RETREG3: variants seen among roughly 807,000 people sequenced by gnomAD.
RETREG3 encodes the protein reticulophagy regulator 3.
RETREG3 carries 23 observed loss-of-function variants against 50.2 expected under a neutral mutation model. That is an observed-to-expected ratio of 0.46 (90% CI 0.33 to 0.65). RETREG3 has a LOEUF of 0.65. Ranked by LOEUF, RETREG3 falls within the 30% of genes least tolerant of loss-of-function variation. The pLI is 0.02. For synonymous variants in RETREG3, 240 were observed against 234.4 expected, an observed-to-expected ratio of 1.02 and a Z score of -0.22; for missense variants, 546 against 598.0, an observed-to-expected ratio of 0.91 and a Z score of 0.91.
rs1385096437 is a variant in RETREG3, at chr17:42,585,211, C to T, written c.641G>A (p.Arg214Gln). The change falls in exon 6 of 9, where the codon CGA (arginine) becomes CAA (glutamine). Residue 214 changes from arginine to glutamine, a missense_variant. Transcript: ENST00000309428. Reference protein sequence around the residue: ...PLAVYHRLWDRAYVRLKPALQ... With the variant: ...PLAVYHRLWDQAYVRLKPALQ... ...AGCTGGCTTCAGCCGCACATATGCT[C>T]GATCCCACAGTCGGTGGTACACAGC... 6 of 1,614,006 alleles carry T rather than the reference C, an allele frequency of 3.7e-6. No individual in the cohort carries two copies. Among genetic ancestry groups the T allele is most frequent in the Non-Finnish European group, 5.1e-6 (6 of 1,180,026 alleles).
At chr17:42,596,553 T>C (rs1433529570) in intron 1 of RETREG3, 1 of 152,100 alleles carries the variant, frequency 6.6e-6, no homozygotes, top group Non-Finnish European at 1.5e-5. Flanking sequence ...TCTAAAGTAC[T>C]TCATCTTCAA....
In RETREG3 at chr17:42,609,147, G is replaced by C; in HGVS notation, c.178C>G (p.Leu60Val). The change falls in exon 1 of 9, where the codon CTG becomes GTG. Residue 60 changes from leucine to valine, a missense_variant. Physicochemically the swap from Leu to Val is conservative, Grantham distance 32. Transcript: ENST00000309428. ...EPLLSRVQAA[L>V]VWERPARSAL... The stretch of plus-strand genomic sequence containing the variant: ...CTCCTAGCTGGCCGCTCCCACACCA[G>C]GGCTGCCTGCACCCGACTCAGCAGA... 6.2e-7 allele frequency: 1 copy of C among 1,610,122 alleles called. No homozygotes were observed. The highest frequency in any genetic ancestry group is 8.5e-7 in the Non-Finnish European group (1 of 1,179,916).
At position 42,582,945 on chromosome 17, in the gene RETREG3, C is replaced by T. The variant is rs368604427; in HGVS notation, c.811-139G>A. 192 of 1,092,840 alleles carry T rather than the reference C, an allele frequency of 1.8e-4. 4 individuals are homozygous for T. Among genetic ancestry groups the T allele is most frequent in the East Asian group, 1.3e-3 (53 of 40,452 alleles). The allele number at this position is 1,092,840 out of a possible 1,614,324, so 67.7% of individuals were successfully genotyped here. On this transcript the variant is annotated intron_variant, in intron 7 of 8. Transcript: ENST00000309428. ...TAACCAGGGATAGATGGTAACTTCC[C>T]GTTGAAAACTCCCTCTCCCCTTTAT...
At position 42,580,568 on chromosome 17, in the gene RETREG3, G is replaced by A. The variant is rs1307842728; in HGVS notation, c.*1245C>T. 6.6e-6 allele frequency: 1 copy of A among 152,668 alleles called. No individual in the cohort carries two copies. The highest frequency in any genetic ancestry group is 1.5e-5 in the Non-Finnish European group (1 of 68,054). 9.5% of individuals were successfully genotyped at this position (152,668 alleles called of 1,614,324 possible). ...TGCTCACTAATCCTCCCAGCCAGCT[G>A]ATCCCCCTGGGCCAAGGTAATGTAG... On this transcript the variant is annotated 3_prime_UTR_variant, in exon 9 of 9. Transcript: ENST00000309428.
chr17:42,607,338 A>G (rs569617252), intron 1 of RETREG3, among the ~76,000 whole-genome samples: 85 of 152,014 alleles, frequency 5.6e-4, no homozygotes, highest in African/African-American at 2.0e-3. Context: ...GTCTCCACAA[A>G]AAATTTAAAA....
chr17:42,586,732 C>G, intron 4 of RETREG3, 33 bp downstream of exon 4: 1 of 1,608,958 alleles, frequency 6.2e-7, no homozygotes, highest in Middle Eastern at 1.7e-4. Flanking sequence ...ACTGAGAGGC[C>G]AGAGATGAAA....
At chr17:42,596,801 C>T (rs1352344164) in intron 1 of RETREG3, among the ~76,000 whole-genome samples, 6 of 151,974 alleles carry the variant, frequency 3.9e-5, no homozygotes, top group African/African-American at 9.7e-5. Flanking sequence ...ATATTAATTA[C>T]CTGGTTACCT....
intron 2 of RETREG3, among the ~76,000 whole-genome samples, chr17:42,589,170 C>T (rs182853787): frequency 1.4e-3 from 211 of 151,902 alleles, no homozygotes; most frequent in Admixed American, 5.2e-3. Context: ...TTTTGAGATT[C>T]ACCAGCCATT....
chr17:42,593,451 C>A (rs1487231555), intron 1 of RETREG3, among the ~76,000 whole-genome samples: 1 of 151,396 alleles, frequency 6.6e-6, no homozygotes, highest in Non-Finnish European at 1.5e-5. Flanking sequence ...AGATCGAGAC[C>A]ATCCTGGTTA....
intron 1 of RETREG3, among the ~76,000 whole-genome samples, chr17:42,606,840 A>G (rs1457398807): frequency 2.0e-5 from 3 of 151,680 alleles, no homozygotes; most frequent in Non-Finnish European, 4.4e-5. Flanking sequence ...ACAAAAAAAT[A>G]CAAAAATTAG....
chr17:42,605,884 G>C (rs538482334), intron 1 of RETREG3, among the ~76,000 whole-genome samples: 2 of 151,574 alleles, frequency 1.3e-5, no homozygotes, highest in Non-Finnish European at 2.9e-5. Context: ...CCAGCTACTC[G>C]GGAGGCTGGG....
chr17:42,586,184 A>T (rs534506636), intron 4 of RETREG3, 47 bp from the exon 5 acceptor site: 1 of 1,588,508 alleles, frequency 6.3e-7, no homozygotes, highest in East Asian at 2.2e-5. Context: ...ATGGCAGGGG[A>T]CTGGGGTGGG....
chr17:42,595,632 T>C (rs1450477846), intron 1 of RETREG3, among the ~76,000 whole-genome samples: 1 of 149,864 alleles, frequency 6.7e-6, no homozygotes, highest in Non-Finnish European at 1.5e-5. Context: ...AACTCAGAAA[T>C]CCAGTCACCA....
Position 42,582,026 on chromosome 17 carries a change from G to C in RETREG3, c.1188C>G (p.Asn396Lys). ...TACCCTGGGAGACCAGGCTGGCAAG[G>C]TTGCTGGTGAGGTTGGATCCTACAG... ...ALPVGSNLTS[N>K]LASLVSQGMI... The change falls in exon 9 of 9, where the codon AAC becomes AAG. Residue 396 changes from asparagine (N) to lysine (K), a missense_variant. By Grantham distance (94) the Asn-to-Lys change is moderately conservative. Transcript: ENST00000309428. 1 of 1,614,132 alleles carries C rather than the reference G, an allele frequency of 6.2e-7. No individual in the cohort carries two copies. The highest frequency in any genetic ancestry group is 1.1e-5 in the South Asian group (1 of 91,078).
intron 7 of RETREG3, among the ~76,000 whole-genome samples, 181 bp from the exon 8 acceptor site, chr17:42,582,987 A>G (rs1420035710): frequency 6.6e-6 from 1 of 152,000 alleles, no homozygotes; most frequent in Non-Finnish European, 1.5e-5. Flanking sequence ...TTTAATCAAT[A>G]CATGTGAAAG....
intron 1 of RETREG3, among the ~76,000 whole-genome samples, chr17:42,604,748 C>G (rs1312862939): frequency 6.6e-6 from 1 of 151,420 alleles, no homozygotes; most frequent in African/African-American, 2.4e-5. Flanking sequence ...ATGTAGGCCT[C>G]CTTGAACTAT....
At chr17:42,592,700 C>T (rs1366169527) in intron 1 of RETREG3, among the ~76,000 whole-genome samples, 1 of 152,142 alleles carries the variant, frequency 6.6e-6, no homozygotes, top group African/African-American at 2.4e-5. Flanking sequence ...GCCTGTAATC[C>T]CAGCACTTTG....
rs373989438 is a variant in RETREG3 at position 42,585,276 on chromosome 17, T to C, written c.590-14A>G. ...TGACAGTGACAACTGTGAGGAGGCA[T>C]GGGAAACAGTGACAAAATGGAGAAG... On this transcript the variant is annotated splice_polypyrimidine_tract_variant and intron_variant, in intron 5 of 8. Transcript: ENST00000309428. The C allele has an allele frequency of 1.4e-5, 23 of 1,610,800 alleles. No individual in the cohort carries two copies. Among genetic ancestry groups the C allele is most frequent in the African/African-American group, 2.7e-5 (2 of 74,844 alleles).
chr17:42,606,383 G>A (rs2093167811), intron 1 of RETREG3, among the ~76,000 whole-genome samples: 1 of 149,778 alleles, frequency 6.7e-6, no homozygotes, highest in Non-Finnish European at 1.5e-5. Flanking sequence ...AGATCACGAG[G>A]TCAGGAGATT....
Sources: allele counts gnomAD v4.1 joint callset (sites outside exome capture counted in the v4.1 genomes callset), GRCh38; gene constraint gnomAD v4.1.1; transcripts MANE v1.5; gene names NCBI Gene and HGNC (gene_info 2026-07-23, HGNC 2026-07-21).